CNST: variants seen among roughly 807,000 people sequenced by gnomAD.
CNST encodes the protein consortin, connexin sorting protein.
CNST carries 39 observed loss-of-function variants against 72.4 expected under a neutral mutation model. That is an observed-to-expected ratio of 0.54 (90% confidence interval 0.42 to 0.70). The LOEUF (loss-of-function observed/expected upper bound fraction) is 0.70. CNST is among the 30% of genes least tolerant of loss of function. CNST has a pLI of 0.00. For synonymous variants in CNST, 332 were observed against 320.1 expected, an observed-to-expected ratio of 1.04 and a Z score of -0.40; for missense variants, 871 against 868.5, an observed-to-expected ratio of 1.00 and a Z score of -0.04.
At position 246,647,868 on chromosome 1, in the gene CNST, T is replaced by C; in HGVS notation, c.1667T>C (p.Leu556Ser). 1 of 1,614,118 alleles carries C rather than the reference T, an allele frequency of 6.2e-7. No homozygotes were observed. Among genetic ancestry groups the C allele is most frequent in the Non-Finnish European group, 8.5e-7 (1 of 1,180,018 alleles). The change falls in exon 9 of 11, where the codon TTA becomes TCA. Residue 556 changes from leucine to serine, a missense_variant. Physicochemically the swap from Leu to Ser is moderately radical, Grantham distance 145. Transcript: ENST00000366513. Reference protein sequence around the residue: ...DYLNSLLEGCLKDTEDSLSYE... With the variant: ...DYLNSLLEGCSKDTEDSLSYE... The stretch of plus-strand genomic sequence containing the variant: ...TTGAACAGCCTTTTAGAAGGATGTT[T>C]AAAAGATACTGAAGATTCCCTTTCC...
chr1:246,654,412 C>T (rs573640925), intron 9 of CNST, among the ~76,000 whole-genome samples: 1 of 152,350 alleles, frequency 6.6e-6, no homozygotes, highest in Admixed American at 6.5e-5. Context: ...TCAGTAAGTG[C>T]TAGCTGATGC....
intron 9 of CNST, among the ~76,000 whole-genome samples, chr1:246,657,062 G>A (rs1028263271): frequency 3.9e-5 from 6 of 152,186 alleles, no homozygotes; most frequent in African/African-American, 9.7e-5. Flanking sequence ...CCGAGACCAT[G>A]ACTTTGTTTT....
At chr1:246,647,048 C>A in intron 8 of CNST, 91 bp from the exon 9 acceptor site, 1 of 1,116,186 alleles carries the variant, frequency 9.0e-7, no homozygotes, top group East Asian at 2.5e-5. Flanking sequence ...TAGAATATTG[C>A]TGTATTACAC....
At chr1:246,656,777 A>G (rs1666796091) in intron 9 of CNST, among the ~76,000 whole-genome samples, 1 of 152,076 alleles carries the variant, frequency 6.6e-6, no homozygotes, top group African/African-American at 2.4e-5. Context: ...AAGAATGCCA[A>G]AAACATTAGC....
chr1:246,648,143 G>C, intron 9 of CNST, 106 bp downstream of exon 9: 3 of 1,462,288 alleles, frequency 2.1e-6, no homozygotes, highest in Non-Finnish European at 1.8e-6. Context: ...TCTCAAACAT[G>C]AGGGAAAATT....
chr1:246,604,013 C>G (rs1198928262), intron 2 of CNST, among the ~76,000 whole-genome samples: 1 of 152,188 alleles, frequency 6.6e-6, no homozygotes, highest in Non-Finnish European at 1.5e-5. Flanking sequence ...CACCTGAGGT[C>G]AGGAGTTTGA....
intron 6 of CNST, among the ~76,000 whole-genome samples, chr1:246,641,233 TG>T (rs1372138082): frequency 6.6e-6 from 1 of 152,234 alleles, no homozygotes; most frequent in Non-Finnish European, 1.5e-5. Context: ...GGATGTTTCT[TG>T]TTTTGTGAAT....
At chr1:246,603,907 G>T (rs531340814) in intron 2 of CNST, among the ~76,000 whole-genome samples, 6 of 152,094 alleles carry the variant, frequency 3.9e-5, no homozygotes, top group Non-Finnish European at 4.4e-5. Flanking sequence ...TGTGTTATGA[G>T]AATTATATCT....
chr1:246,622,567 A>G (rs1664162954), intron 3 of CNST, among the ~76,000 whole-genome samples: 1 of 152,162 alleles, frequency 6.6e-6, no homozygotes, highest in Non-Finnish European at 1.5e-5. Flanking sequence ...AGGAGGTGAG[A>G]TTGAATAGCT....
intron 9 of CNST, among the ~76,000 whole-genome samples, chr1:246,649,385 AAATTAGAGCT>A (rs1243084291): frequency 6.6e-6 from 1 of 152,158 alleles, no homozygotes; most frequent in Non-Finnish European, 1.5e-5. Flanking sequence ...GTTTTTTAAA[AAATTAGAGCT>A]AATGGTATAG....
chr1:246,577,603 C>G (rs192873898), intron 1 of CNST, among the ~76,000 whole-genome samples: 2 of 152,002 alleles, frequency 1.3e-5, no homozygotes, highest in Admixed American at 1.3e-4. Context: ...CCATTTAGTT[C>G]ACAGATTTTC....
chr1:246,624,325 G>A lies in CNST; in HGVS notation c.585+2691G>A, dbSNP rs151065512. On this transcript the variant is annotated intron_variant, in intron 3 of 10. Transcript: ENST00000366513. ...CCTGGGAAAGAAGGTTAGAGAATAC[G>A]GTGGTGGTTTAAAAGTATGGGCTTT... 1.2e-3 allele frequency among the ~76,000 whole-genome samples: 177 copies of A among 152,326 alleles called. 1 individual carries two copies. Among genetic ancestry groups the A allele is most frequent in the Non-Finnish European group, 1.8e-3 (122 of 68,024 alleles).
rs397983629 is a variant in CNST at position 246,619,154 on chromosome 1, GA to G, written c.380-2263del. Among the ~76,000 whole-genome samples the G allele has an allele frequency of 4.1e-3, 597 of 145,278 alleles. 1 individual carries two copies. Among genetic ancestry groups the G allele is most frequent in the Non-Finnish European group, 6.5e-3 (429 of 65,842 alleles). On this transcript the variant is annotated intron_variant, in intron 2 of 10. Coordinates refer to ENST00000366513, the MANE Select transcript of CNST (RefSeq NM_152609.3). The stretch of plus-strand genomic sequence containing the variant: ...CATAGTAGTGTAGCTAGAGAAAAGG[GA>G]AAAAAAAAAAACACTAATTCTCTTA...
chr1:246,618,100 T>C (rs145746050), intron 2 of CNST, among the ~76,000 whole-genome samples: 49 of 152,328 alleles, frequency 3.2e-4, no homozygotes, highest in African/African-American at 1.2e-3. Context: ...AAGATACTTG[T>C]ATTAGGTGGG....
At chr1:246,579,520 A>G (rs1660652133) in intron 1 of CNST, among the ~76,000 whole-genome samples, 1 of 152,166 alleles carries the variant, frequency 6.6e-6, no homozygotes, top group Non-Finnish European at 1.5e-5. Flanking sequence ...TGTAATCCCA[A>G]CACTTTGGGA....
At chr1:246,603,900 G>A (rs1398644937) in intron 2 of CNST, among the ~76,000 whole-genome samples, 2 of 152,106 alleles carry the variant, frequency 1.3e-5, no homozygotes, top group Non-Finnish European at 2.9e-5. Context: ...TGAATTATGT[G>A]TTATGAGAAT....
intron 9 of CNST, among the ~76,000 whole-genome samples, chr1:246,653,370 C>T (rs988270741): frequency 1.3e-4 from 20 of 152,178 alleles, no homozygotes; most frequent in African/African-American, 3.9e-4. Flanking sequence ...AAGCAGTAGT[C>T]GCTTATGAAA....
intron 9 of CNST, among the ~76,000 whole-genome samples, chr1:246,649,415 C>T (rs558940191): frequency 1.5e-4 from 23 of 151,992 alleles, no homozygotes; most frequent in Admixed American, 3.3e-4. Flanking sequence ...GCACTTAATC[C>T]GGTATTCATT....
At position 246,647,678 on chromosome 1, in the gene CNST, G is replaced by A; in HGVS notation, c.1477G>A (p.Asp493Asn). The A allele has an allele frequency of 6.2e-7, 1 of 1,614,178 alleles. No individual in the cohort carries two copies. Among genetic ancestry groups the A allele is most frequent in the African/African-American group, 1.3e-5 (1 of 75,052 alleles). ...ELQQPDLTDS[D>N]GKSPQAQADS... ...GCAGCAGCCTGATCTTACAGACAGT[G>A]ATGGAAAATCACCACAGGCGCAGGC... The change falls in exon 9 of 11, where the codon GAT becomes AAT. Residue 493 changes from aspartate to asparagine, a missense_variant. Physicochemically the swap from Asp to Asn is conservative, Grantham distance 23 (BLOSUM62 1). Coordinates refer to ENST00000366513, the MANE Select transcript of CNST (RefSeq NM_152609.3).
Sources: allele counts gnomAD v4.1 joint callset (sites outside exome capture counted in the v4.1 genomes callset), GRCh38; gene constraint gnomAD v4.1.1; transcripts MANE v1.5; gene names NCBI Gene and HGNC (gene_info 2026-07-23, HGNC 2026-07-21).